Variants in PCDH9 observed in about 807,000 individuals in gnomAD.
PCDH9 encodes the protein protocadherin 9, also known as protocadherin-9.
Under a neutral mutation model 70.6 loss-of-function variants are expected in PCDH9, and 24 were observed. That is an observed-to-expected ratio of 0.34 (90% CI 0.25 to 0.48). The LOEUF is 0.48. PCDH9 is among the 20% of genes least tolerant of loss of function. PCDH9 has a pLI of 0.99. For synonymous variants in PCDH9, 562 were observed against 558.5 expected (o/e 1.01, Z -0.09); for missense variants, 1,281 against 1,503.6 (o/e 0.85, Z 2.45).
chr13:66,860,947 C>T lies in PCDH9; in HGVS notation c.3138+42557G>A, dbSNP rs925530501. Reference sequence around the variant, plus strand: ...TAGACCCCTAAAGGAAATCATGACACAGCTGTGAAGCTGGTACTATGAGCC... The same window carrying T: ...TAGACCCCTAAAGGAAATCATGACATAGCTGTGAAGCTGGTACTATGAGCC... On this transcript the variant is annotated intron_variant, in intron 3 of 4. Transcript: ENST00000377865. 2.0e-5 allele frequency among the ~76,000 whole-genome samples: 3 copies of T among 152,202 alleles called. No homozygotes were observed. The South Asian group carries it at 6.2e-4, about 31-fold the overall frequency.
At chr13:66,465,597 A>C (rs997034505) in intron 4 of PCDH9, among the ~76,000 whole-genome samples, 4 of 151,898 alleles carry the variant, frequency 2.6e-5, no homozygotes, top group African/African-American at 9.7e-5. Context: ...TAAACTAACC[A>C]CAGCATTTCA....
At chr13:67,119,251 GT>G (rs1430655552) in intron 2 of PCDH9, among the ~76,000 whole-genome samples, 1 of 152,088 alleles carries the variant, frequency 6.6e-6, no homozygotes, top group East Asian at 1.9e-4. Flanking sequence ...AATCAGGTGT[GT>G]TTAGATCTTA....
chr13:66,307,170 T>G (rs1955483250), intron 4 of PCDH9, among the ~76,000 whole-genome samples: 1 of 152,066 alleles, frequency 6.6e-6, no homozygotes, highest in Non-Finnish European at 1.5e-5. Context: ...CTTACCTTAA[T>G]TCCATTTTTT....
intron 2 of PCDH9, among the ~76,000 whole-genome samples, chr13:67,200,588 A>G (rs542520716): frequency 1.3e-5 from 2 of 152,248 alleles, no homozygotes; most frequent in Admixed American, 6.6e-5. Context: ...AATGTACTGC[A>G]AACTTTTACT....
At chr13:66,840,000 C>T (rs1282606285) in intron 3 of PCDH9, among the ~76,000 whole-genome samples, 1 of 152,120 alleles carries the variant, frequency 6.6e-6, no homozygotes, top group Middle Eastern at 3.2e-3. Context: ...ATCTTAGTGC[C>T]ATGGACACTG....
intron 2 of PCDH9, among the ~76,000 whole-genome samples, chr13:67,172,877 C>CAAAAAA (rs11407365): frequency 1.0e-5 from 1 of 99,074 alleles, no homozygotes; most frequent in Non-Finnish European, 1.8e-5. Flanking sequence ...GACTCCATCT[C>CAAAAAA]AAAAAAAAAA....
intron 2 of PCDH9, among the ~76,000 whole-genome samples, chr13:66,987,021 GTTAA>G (rs1387756257): frequency 2.6e-5 from 4 of 151,806 alleles, no homozygotes; most frequent in African/African-American, 4.8e-5. Context: ...AAACTAAACT[GTTAA>G]TTGAGACTAC....
At chr13:66,948,670 A>C (rs2083129624) in intron 2 of PCDH9, among the ~76,000 whole-genome samples, 1 of 152,094 alleles carries the variant, frequency 6.6e-6, no homozygotes, top group Admixed American at 6.6e-5. Context: ...ATTTCATATA[A>C]AAAAACAAAA....
chr13:66,488,393 C>A (rs961532223), intron 4 of PCDH9, among the ~76,000 whole-genome samples: 2 of 152,028 alleles, frequency 1.3e-5, no homozygotes, highest in Non-Finnish European at 2.9e-5. Flanking sequence ...CAGTTGAGGG[C>A]CAAATGAGTG....
chr13:66,711,310 T>C (rs182375914), intron 3 of PCDH9, among the ~76,000 whole-genome samples: 10 of 152,180 alleles, frequency 6.6e-5, no homozygotes, highest in African/African-American at 2.4e-4. Flanking sequence ...GGTCTGTGAA[T>C]TCAGATCTAT....
intron 2 of PCDH9, among the ~76,000 whole-genome samples, chr13:66,927,536 A>G (rs1286231941): frequency 5.9e-5 from 9 of 152,062 alleles, no homozygotes; most frequent in Non-Finnish European, 1.0e-4. Flanking sequence ...GGACCTCTGA[A>G]CCTAAAATTA....
At chr13:66,779,849 C>A (rs9540909) in intron 3 of PCDH9, among the ~76,000 whole-genome samples, 25,945 of 77,950 alleles carry the variant, frequency 0.33, 4,451 homozygotes, top group Middle Eastern at 0.38. Context: ...CTCTCTCTCT[C>A]TATATATATA....
intron 2 of PCDH9, among the ~76,000 whole-genome samples, chr13:67,000,405 A>G (rs921284556): frequency 1.5e-3 from 229 of 151,722 alleles, no homozygotes; most frequent in African/African-American, 3.7e-3. Flanking sequence ...TGGGTGCAGC[A>G]CACCAGCATG....
chr13:66,713,034 C>A (rs989590445), intron 3 of PCDH9, among the ~76,000 whole-genome samples: 1 of 152,146 alleles, frequency 6.6e-6, no homozygotes. Flanking sequence ...TTCCAGTGAA[C>A]GTGTTAGTTA....
intron 1 of PCDH9, among the ~76,000 whole-genome samples, chr13:67,229,206 C>T (rs182366042): frequency 6.6e-6 from 1 of 152,346 alleles, no homozygotes; most frequent in East Asian, 1.9e-4. Flanking sequence ...AGATTTCTTG[C>T]CCACAGCTTG....
At chr13:66,692,199 C>A (rs1293030808) in intron 3 of PCDH9, among the ~76,000 whole-genome samples, 1 of 152,108 alleles carries the variant, frequency 6.6e-6, no homozygotes, top group East Asian at 1.9e-4. Flanking sequence ...CATCCATTAA[C>A]CTGGAAGAAA....
At chr13:67,044,903 T>G (rs1042030204) in intron 2 of PCDH9, among the ~76,000 whole-genome samples, 1 of 152,062 alleles carries the variant, frequency 6.6e-6, no homozygotes, top group Non-Finnish European at 1.5e-5. Flanking sequence ...ACAAAAGATA[T>G]GTTGTGGATT....
At chr13:66,389,198 T>C (rs1413963556) in intron 4 of PCDH9, among the ~76,000 whole-genome samples, 1 of 152,188 alleles carries the variant, frequency 6.6e-6, no homozygotes, top group Non-Finnish European at 1.5e-5. Context: ...ATGTTTATAA[T>C]GTGTTTAAAA....
chr13:66,913,578 C>A (rs1484833694), intron 2 of PCDH9, among the ~76,000 whole-genome samples: 1 of 151,888 alleles, frequency 6.6e-6, no homozygotes, highest in Non-Finnish European at 1.5e-5. Context: ...TGGCCTTCTC[C>A]GTACTGTGTA....
Sources: allele counts gnomAD v4.1 joint callset (sites outside exome capture counted in the v4.1 genomes callset), GRCh38; gene constraint gnomAD v4.1.1; transcripts MANE v1.5; gene names NCBI Gene and HGNC (gene_info 2026-07-23, HGNC 2026-07-21).